The following CALN1 variants were observed in gnomAD, a reference collection of about 807,000 sequenced individuals.
CALN1 encodes the protein calneuron 1.
A neutral mutation model predicts 30.6 loss-of-function variants in CALN1; 17 were observed. The observed-to-expected ratio is 0.56, with a 90% confidence interval of 0.38 to 0.83. The LOEUF is 0.83. Among genes scored for constraint, CALN1 ranks in the 40% least tolerant of loss-of-function variants. The pLI is 0.00. For synonymous variants in CALN1, 156 were observed against 131.4 expected (o/e 1.19, Z -1.28); for missense variants, 291 against 354.9 (o/e 0.82, Z 1.45).
the CALN1 span, among the ~76,000 whole-genome samples, chr7:72,464,023 G>A: frequency 6.7e-6 from 1 of 149,180 alleles, no homozygotes; most frequent in Non-Finnish European, 1.5e-5. Flanking sequence ...GAAAGAGAGA[G>A]ACAGAGAAAG....
At chr7:72,232,798 A>T (rs13244117) in intron 3 of CALN1, among the ~76,000 whole-genome samples, 7,491 of 152,246 alleles carry the variant, frequency 0.049, 824 homozygotes, top group East Asian at 0.43. Context: ...TGGTTTAGGA[A>T]ACATATGATA....
chr7:71,915,879 C>G (rs1456072967), intron 5 of CALN1, among the ~76,000 whole-genome samples: 1 of 152,166 alleles, frequency 6.6e-6, no homozygotes, highest in African/African-American at 2.4e-5. Context: ...CTCCCAACTC[C>G]CAGGATTAGA....
In CALN1 at chr7:71,786,693, C is replaced by T. The variant is rs1338401972; in HGVS notation, c.*1082G>A. On this transcript the variant is annotated 3_prime_UTR_variant, in exon 7 of 7. Coordinates refer to ENST00000395275, the MANE Select transcript of CALN1 (RefSeq NM_031468.4). ...TCTCTTTTTAGCTGGGGAAGACTAA[C>T]AAAGCAAACTCCAAGGTAAGGGAAA... 1 of 151,348 alleles carries T rather than the reference C, an allele frequency of 6.6e-6. No individual in the cohort carries two copies. The highest frequency in any genetic ancestry group is 1.5e-5 in the Non-Finnish European group (1 of 67,892). The allele number at this position is 151,348 out of a possible 1,614,324, so 9.4% of individuals were successfully genotyped here.
intron 3 of CALN1, among the ~76,000 whole-genome samples, chr7:72,124,052 C>T (rs1808572190): frequency 6.6e-6 from 1 of 152,148 alleles, no homozygotes; most frequent in Non-Finnish European, 1.5e-5. Flanking sequence ...TAATCCTAAG[C>T]AAGTTACAAG....
rs140601257 is a variant in CALN1, at chr7:71,926,233, G to C, written c.501+97424C>G. Among the ~76,000 whole-genome samples the C allele has an allele frequency of 4.4e-3, 662 of 151,468 alleles. 3 individuals carry two copies. The highest frequency in any genetic ancestry group is 7.4e-3 in the Admixed American group (112 of 15,162). On this transcript the variant is annotated intron_variant, in intron 5 of 6. Coordinates refer to ENST00000395275, the MANE Select transcript of CALN1 (RefSeq NM_031468.4). Reference sequence around the variant, plus strand: ...TCCATGTGTCCCCGATGAGCATTTCGCAAGTCTCCAGATACCCAAGCTTGC... The same window carrying C: ...TCCATGTGTCCCCGATGAGCATTTCCCAAGTCTCCAGATACCCAAGCTTGC...
In CALN1 at chr7:72,086,276, T is replaced by C. The variant is rs551171196; in HGVS notation, c.388+19875A>G. Among the ~76,000 whole-genome samples the C allele has an allele frequency of 4.6e-5, 7 of 152,272 alleles. No homozygotes were observed. In the East Asian group the frequency reaches 1.2e-3, roughly 25 times the overall value. On this transcript the variant is annotated intron_variant, in intron 4 of 6. Coordinates refer to ENST00000395275, the MANE Select transcript of CALN1 (RefSeq NM_031468.4). ...AGTTTCATGTGATTTCACAGAAATATGTGTTCAAATACTCGAAAATGGTTA... is the reference window on the plus strand; with the variant it reads ...AGTTTCATGTGATTTCACAGAAATACGTGTTCAAATACTCGAAAATGGTTA...
chr7:71,972,272 A>G (rs1371898773), intron 5 of CALN1, among the ~76,000 whole-genome samples: 15 of 152,168 alleles, frequency 9.9e-5, no homozygotes, highest in Non-Finnish European at 2.9e-5. Flanking sequence ...GGATTTTTCA[A>G]TAGTGGGCGT....
chr7:71,957,147 G>A (rs766048853), intron 5 of CALN1, among the ~76,000 whole-genome samples: 3 of 151,926 alleles, frequency 2.0e-5, no homozygotes, highest in Non-Finnish European at 4.4e-5. Flanking sequence ...GACATGGTCT[G>A]GATGCTGAAG....
intron 2 of CALN1, 120 bp from the exon 3 acceptor site, chr7:72,278,930 A>C (rs1797546880): frequency 3.0e-6 from 4 of 1,338,998 alleles, no homozygotes; most frequent in Non-Finnish European, 4.0e-6. Context: ...TAGCAGTAAT[A>C]TTTCTAGTGG....
At chr7:72,453,403 A>G in the CALN1 span, among the ~76,000 whole-genome samples, 4 of 152,224 alleles carry the variant, frequency 2.6e-5, no homozygotes, top group African/African-American at 9.6e-5. Context: ...TTTCTAGAAA[A>G]GGGATAGTAA....
chr7:72,248,510 TCTCCTTCTTTCTCTCTTC>T (rs1167230127), intron 3 of CALN1, among the ~76,000 whole-genome samples: 1 of 152,096 alleles, frequency 6.6e-6, no homozygotes, highest in Admixed American at 6.5e-5. Flanking sequence ...TCTCTCTCTT[TCTCCTTCTTTCTCTCTTC>T]CATTCTCTCT....
At chr7:72,281,969 A>G (rs1213999333) in intron 2 of CALN1, among the ~76,000 whole-genome samples, 1 of 152,238 alleles carries the variant, frequency 6.6e-6, no homozygotes, top group South Asian at 2.1e-4. Context: ...AAAATTAGGT[A>G]CACATTCAGT....
intron 5 of CALN1, among the ~76,000 whole-genome samples, chr7:71,880,219 T>G (rs566157087): frequency 1.3e-5 from 2 of 152,332 alleles, no homozygotes; most frequent in South Asian, 2.1e-4. Flanking sequence ...ATCCTTCAAT[T>G]GAGCTCATCA....
At chr7:72,136,001 T>C (rs1266722652) in intron 3 of CALN1, among the ~76,000 whole-genome samples, 1 of 151,716 alleles carries the variant, frequency 6.6e-6, no homozygotes, top group Non-Finnish European at 1.5e-5. Context: ...GGCGTGGTGG[T>C]AGATGCCTGT....
intron 5 of CALN1, among the ~76,000 whole-genome samples, chr7:71,859,086 C>A (rs553570155): frequency 6.6e-6 from 1 of 152,086 alleles, no homozygotes; most frequent in Non-Finnish European, 1.5e-5. Context: ...TTTTTGGAGA[C>A]AGAGTTTTGC....
chr7:72,358,127 G>A (rs1052461421), intron 2 of CALN1, among the ~76,000 whole-genome samples: 1 of 151,686 alleles, frequency 6.6e-6, no homozygotes, highest in East Asian at 1.9e-4. Flanking sequence ...AAAGTGCCGG[G>A]GTTATAGGTG....
At chr7:71,981,684 A>C (rs1190021756) in intron 5 of CALN1, among the ~76,000 whole-genome samples, 2 of 151,984 alleles carry the variant, frequency 1.3e-5, no homozygotes, top group African/African-American at 2.4e-5. Flanking sequence ...CAAAAAAAAA[A>C]ACAAGAGGAC....
rs148895540 is a variant in CALN1 at position 72,446,228 on chromosome 7, G to A, written c.-226+814C>T. On this transcript the variant is annotated intron_variant, in intron 1 of 6. Transcript: ENST00000395276. ...GAGCATTTCACCCAGAAGTCACCCC[G>A]TGAGGGTCAAAAACAAATCAATGAA... is the stretch of plus-strand genomic sequence containing the variant. Among the ~76,000 whole-genome samples the A allele has an allele frequency of 2.1e-3, 324 of 152,268 alleles. 1 individual carries two copies. Among genetic ancestry groups the A allele is most frequent in the Non-Finnish European group, 3.2e-3 (221 of 68,024 alleles).
At chr7:72,283,054 CAAAA>C (rs34378708) in intron 2 of CALN1, among the ~76,000 whole-genome samples, 5 of 122,316 alleles carry the variant, frequency 4.1e-5, no homozygotes, top group Admixed American at 8.1e-5. Flanking sequence ...GACTCCATCT[CAAAA>C]AAAAAAAAAA....
Sources: allele counts gnomAD v4.1 joint callset (sites outside exome capture counted in the v4.1 genomes callset), GRCh38; gene constraint gnomAD v4.1.1; transcripts MANE v1.5; gene names NCBI Gene and HGNC (gene_info 2026-07-23, HGNC 2026-07-21).